The following ATP8A2 variants were observed in gnomAD, a reference collection of about 807,000 sequenced individuals.
The protein encoded by ATP8A2 is ATPase phospholipid transporting 8A2.
ATP8A2 carries 100 observed loss-of-function variants against 165.6 expected under a neutral mutation model. The observed-to-expected ratio is 0.60, with a 90% confidence interval of 0.51 to 0.71. The LOEUF (loss-of-function observed/expected upper bound fraction) is 0.71. Among genes scored for constraint, ATP8A2 ranks in the 30% least tolerant of loss-of-function variants. The probability of loss-of-function intolerance (pLI) is 0.00; values close to 1 mark genes in which losing one functional copy is unlikely to be tolerated. For synonymous variants in ATP8A2, 543 were observed against 548.8 expected (o/e 0.99, Z 0.15); for missense variants, 1,227 against 1,479.5 (o/e 0.83, Z 2.80).
rs536985838 is a variant in ATP8A2 at position 25,897,629 on chromosome 13, T to A, written c.3183+35221T>A. Among the ~76,000 whole-genome samples, 615 of 152,328 alleles carry A rather than the reference T, an allele frequency of 4.0e-3. 2 individuals are homozygous for A. Among genetic ancestry groups the A allele is most frequent in the African/African-American group, 0.014 (587 of 41,578 alleles). ...CTCCTGGATAATATCCTGCAGAGTGTTTTCCAACTTAGTTCCATTCTCCCC... is the reference window on the plus strand; with the variant it reads ...CTCCTGGATAATATCCTGCAGAGTGATTTCCAACTTAGTTCCATTCTCCCC... On this transcript the variant is annotated intron_variant, in intron 33 of 36. Coordinates refer to ENST00000381655, the MANE Select transcript of ATP8A2 (RefSeq NM_016529.6).
At chr13:25,625,482 T>C (rs1265183360) in intron 24 of ATP8A2, among the ~76,000 whole-genome samples, 1 of 152,190 alleles carries the variant, frequency 6.6e-6, no homozygotes, top group Non-Finnish European at 1.5e-5. Context: ...TACACAGGCC[T>C]CAGCAATTCA....
intron 33 of ATP8A2, among the ~76,000 whole-genome samples, chr13:25,899,927 G>T (rs1173131528): frequency 6.6e-6 from 1 of 151,740 alleles, no homozygotes; most frequent in Non-Finnish European, 1.5e-5. Context: ...AGGGAGTCCA[G>T]CTGGGTGATG....
At chr13:25,474,076 G>T (rs1193307208) in intron 2 of ATP8A2, among the ~76,000 whole-genome samples, 1 of 152,158 alleles carries the variant, frequency 6.6e-6, no homozygotes, top group Non-Finnish European at 1.5e-5. Flanking sequence ...AATGTTTATA[G>T]TTACTCAGTT....
At chr13:25,591,041 G>T (rs1358726462) in intron 24 of ATP8A2, among the ~76,000 whole-genome samples, 9 of 151,950 alleles carry the variant, frequency 5.9e-5, no homozygotes, top group African/African-American at 2.2e-4. Flanking sequence ...CACATGCTCT[G>T]AGGAAATCTC....
chr13:25,632,464 C>T (rs2041265430), intron 24 of ATP8A2, among the ~76,000 whole-genome samples: 1 of 152,212 alleles, frequency 6.6e-6, no homozygotes, highest in Non-Finnish European at 1.5e-5. Flanking sequence ...ATCTCATTAA[C>T]ATGCGAAAGA....
chr13:25,820,154 C>T (rs927840508), intron 27 of ATP8A2, among the ~76,000 whole-genome samples: 1 of 152,152 alleles, frequency 6.6e-6, no homozygotes, highest in East Asian at 1.9e-4. Context: ...GGCAGCGGGA[C>T]GTCCAGACAG....
chr13:25,870,993 C>T (rs1382815839), intron 33 of ATP8A2, among the ~76,000 whole-genome samples: 1 of 151,884 alleles, frequency 6.6e-6, no homozygotes. Flanking sequence ...TTTTTTAGTC[C>T]TTGTCCTCCC....
chr13:25,931,608 G>T (rs904402580), intron 33 of ATP8A2, among the ~76,000 whole-genome samples: 2 of 152,244 alleles, frequency 1.3e-5, no homozygotes, highest in East Asian at 3.9e-4. Flanking sequence ...TCTGCCCGTC[G>T]TGAGGCTGAG....
intron 30 of ATP8A2, among the ~76,000 whole-genome samples, chr13:25,850,350 T>C (rs928533032): frequency 6.6e-6 from 1 of 152,172 alleles, no homozygotes; most frequent in Non-Finnish European, 1.5e-5. Flanking sequence ...AGCCTATACA[T>C]TTGACCCCTG....
intron 30 of ATP8A2, among the ~76,000 whole-genome samples, chr13:25,859,269 T>C (rs185789809): frequency 9.8e-4 from 149 of 152,182 alleles, no homozygotes; most frequent in African/African-American, 3.2e-3. Context: ...CTATGCTTAC[T>C]ACCTGGGTGT....
chr13:25,806,960 G>C (rs1435916120), intron 27 of ATP8A2, among the ~76,000 whole-genome samples: 1 of 152,022 alleles, frequency 6.6e-6, no homozygotes, highest in Non-Finnish European at 1.5e-5. Context: ...GTGGTTATTA[G>C]CCGTTTATAT....
chr13:25,502,958 A>G (rs2036903443), intron 2 of ATP8A2, among the ~76,000 whole-genome samples: 1 of 152,130 alleles, frequency 6.6e-6, no homozygotes, highest in African/African-American at 2.4e-5. Context: ...TTAGCTTGAG[A>G]AGAGACCAGT....
rs569115146 is a variant in ATP8A2, at chr13:25,887,621, C to T, written c.3183+25213C>T. ...AAAGTGTTGGGATTACAGGCGTGAG[C>T]CACAGCGCCAGGCCCCTCAGTCCAA... On this transcript the variant is annotated intron_variant, in intron 33 of 36. Coordinates refer to ENST00000381655, the MANE Select transcript of ATP8A2 (RefSeq NM_016529.6). Among the ~76,000 whole-genome samples, 5 of 152,296 alleles carry T rather than the reference C, an allele frequency of 3.3e-5. No individual in the cohort carries two copies. The South Asian group carries it at 1.0e-3, about 32-fold the overall frequency.
chr13:25,682,630 T>C (rs1161321471), intron 24 of ATP8A2, among the ~76,000 whole-genome samples: 1 of 152,186 alleles, frequency 6.6e-6, no homozygotes, highest in Non-Finnish European at 1.5e-5. Flanking sequence ...GGCTGGCCGA[T>C]TGAGTTACAG....
intron 24 of ATP8A2, among the ~76,000 whole-genome samples, chr13:25,654,658 A>C (rs1210006030): frequency 1.3e-5 from 2 of 152,150 alleles, no homozygotes; most frequent in Non-Finnish European, 2.9e-5. Flanking sequence ...CAGTCCTGCT[A>C]GTGGGAGAGT....
chr13:25,537,883 T>C, intron 6 of ATP8A2, 105 bp from the exon 7 acceptor site: 1 of 675,724 alleles, frequency 1.5e-6, no homozygotes, highest in Admixed American at 2.6e-5. Flanking sequence ...CTTCATGGCT[T>C]AGTTATATAA....
intron 24 of ATP8A2, among the ~76,000 whole-genome samples, chr13:25,631,322 A>G (rs369272159): frequency 6.6e-4 from 100 of 152,300 alleles, no homozygotes; most frequent in South Asian, 5.8e-3. Context: ...ATTTTAATTT[A>G]TATGTAATTA....
chr13:25,661,277 C>T (rs2042044946), intron 24 of ATP8A2, among the ~76,000 whole-genome samples: 2 of 152,104 alleles, frequency 1.3e-5, no homozygotes, highest in Non-Finnish European at 2.9e-5. Context: ...CTGCCACTGC[C>T]GAGGCTACCC....
At chr13:25,858,374 C>T (rs927291156) in intron 30 of ATP8A2, among the ~76,000 whole-genome samples, 1 of 152,134 alleles carries the variant, frequency 6.6e-6, no homozygotes, top group African/African-American at 2.4e-5. Flanking sequence ...GCTTTGAGAC[C>T]GTTCCTTTTT....
Sources: allele counts gnomAD v4.1 joint callset (sites outside exome capture counted in the v4.1 genomes callset), GRCh38; gene constraint gnomAD v4.1.1; transcripts MANE v1.5; gene names NCBI Gene and HGNC (gene_info 2026-07-23, HGNC 2026-07-21).